NUP85: variants seen among roughly 807,000 people sequenced by gnomAD.
NUP85 encodes the protein nucleoporin 85.
A neutral mutation model predicts 92.8 loss-of-function variants in NUP85; 23 were observed. The ratio of observed to expected loss-of-function variants is 0.25; its 90% confidence interval spans 0.18 to 0.35. The LOEUF (loss-of-function observed/expected upper bound fraction) is 0.35. NUP85 is among the 10% of genes least tolerant of loss of function. The pLI is 1.00. For missense variants in NUP85, 759 were observed against 822.8 expected, an observed-to-expected ratio of 0.92 and a Z score of 0.95; for synonymous variants, 314 against 306.9, an observed-to-expected ratio of 1.02 and a Z score of -0.24.
At position 75,231,924 on chromosome 17, in the gene NUP85, G is replaced by A. The variant is rs748555536; in HGVS notation, c.1341G>A (p.Glu447=). The change falls in exon 14 of 19, where the codon GAG becomes GAA. Residue 447 remains glutamate, a synonymous_variant. Transcript: ENST00000245544. This position sits in a 1 kb window ranked among gnomAD's most constrained non-coding sequence, Gnocchi z 4.6. ...TTGAGCGGATACCTCTGAACACCGA[G>A]CAGAAAGCCCTGAAGGTGCTGCGGA... is the stretch of plus-strand genomic sequence containing the variant. ...LHIERIPLNT[E]QKALKVLRIC... The A allele has an allele frequency of 6.2e-7, 1 of 1,614,232 alleles. No homozygotes were observed. The highest frequency in any genetic ancestry group is 8.5e-7 in the Non-Finnish European group (1 of 1,180,046).
Position 75,231,292 on chromosome 17 carries a change from C to A in NUP85, c.1095-48C>A, listed in dbSNP as rs373954540. ...TGCTCACCCCCACTCTTGTGGGACG[C>A]GGCCTGTGCCCTGATTTTCCTTCTT... On this transcript the variant is annotated intron_variant, in intron 11 of 18. Coordinates refer to ENST00000245544, the MANE Select transcript of NUP85 (RefSeq NM_024844.5). The surrounding 1 kb of genome is among the most constrained non-coding windows in gnomAD (Gnocchi z 4.6). The A allele has an allele frequency of 8.8e-6, 14 of 1,587,838 alleles. No homozygotes were observed. Among genetic ancestry groups the A allele is most frequent in the Non-Finnish European group, 1.1e-5 (13 of 1,156,510 alleles).
At chr17:75,214,968 G>A (rs1568072807) in intron 5 of NUP85, among the ~76,000 whole-genome samples, 1 of 151,850 alleles carries the variant, frequency 6.6e-6, no homozygotes, top group Non-Finnish European at 1.5e-5. Context: ...TCAGGAGATC[G>A]AGACCTTCCT....
Position 75,224,990 on chromosome 17 carries a change from G to A in NUP85, c.598-113G>A, listed in dbSNP as rs1286617041. 4.7e-6 allele frequency: 5 copies of A among 1,063,386 alleles called. No individual in the cohort carries two copies. The Admixed American group carries it at 1.2e-4, about 25-fold the overall frequency. The allele number at this position is 1,063,386 out of a possible 1,614,324, so 65.9% of individuals were successfully genotyped here. The stretch of plus-strand genomic sequence containing the variant: ...AGGGCAGACTCAGGTGCAGAAAGAA[G>A]CCTGTGTGTGAAGAGTTAAAAAGCC... On this transcript the variant is annotated intron_variant, in intron 7 of 18. Coordinates refer to ENST00000245544, the MANE Select transcript of NUP85 (RefSeq NM_024844.5).
At chr17:75,212,286 T>G (rs1214231597) in intron 4 of NUP85, among the ~76,000 whole-genome samples, 1 of 92,598 alleles carries the variant, frequency 1.1e-5, no homozygotes, top group Non-Finnish European at 2.0e-5. Flanking sequence ...TTTTTTTTTT[T>G]GAGACCGAGT....
rs2076120478 is a variant in NUP85, at chr17:75,232,717, C to G, written c.1397-134C>G. 6 of 784,598 alleles carry G rather than the reference C, an allele frequency of 7.6e-6. No homozygotes were observed. The Admixed American group carries it at 8.8e-5, about 12-fold the overall frequency. The allele number at this position is 784,598 out of a possible 1,614,324, so 48.6% of individuals were successfully genotyped here. ...CAGCCGAGTTTCCAGCTCTGCCGAT[C>G]CAGCTGCATTTAGAGCCCAAAGAGT... On this transcript the variant is annotated intron_variant, in intron 14 of 18. Coordinates refer to ENST00000245544, the MANE Select transcript of NUP85 (RefSeq NM_024844.5).
At chr17:75,212,228 GGTTTTTTTTTTTGTTGTTGTTTTTTTT>G (rs2075288851) in intron 4 of NUP85, among the ~76,000 whole-genome samples, 166 bp downstream of exon 4, 2 of 84,564 alleles carry the variant, frequency 2.4e-5, no homozygotes, top group Non-Finnish European at 4.5e-5. Flanking sequence ...ATCATTTAGA[GGTTTTTTTTTTTGTTGTTGTTTTTTTT>G]TTTTTTTTTT....
At chr17:75,210,031 A>G (rs368008948) in intron 3 of NUP85, 46 bp downstream of exon 3, 1 of 1,551,614 alleles carries the variant, frequency 6.4e-7, no homozygotes, top group African/African-American at 1.4e-5. Flanking sequence ...TACACTGTGG[A>G]AAGCCAAATG....
At chr17:75,213,159 C>T (rs2075324937) in intron 5 of NUP85, 40 bp downstream of exon 5, 1 of 1,603,922 alleles carries the variant, frequency 6.2e-7, no homozygotes. Context: ...ACCACTGTGT[C>T]CTGTGTCCTG....
intron 11 of NUP85, chr17:75,228,781 C>A: frequency 1.0e-6 from 1 of 985,372 alleles, no homozygotes; most frequent in Non-Finnish European, 1.2e-6. Flanking sequence ...TAAGTGGGCC[C>A]CTGATTTACT....
chr17:75,228,853 C>T, intron 11 of NUP85: 2 of 985,448 alleles, frequency 2.0e-6, no homozygotes, highest in Non-Finnish European at 2.4e-6. Context: ...GATCCTGACT[C>T]AGAGGCTGTA....
In NUP85 at chr17:75,212,117, T is replaced by G; in HGVS notation, c.361+55T>G. ...GTGTGTGTGTGTGTGTGTGGGTATT[T>G]TGAGTATTTATCTATGCATAAATAC... On this transcript the variant is annotated intron_variant, in intron 4 of 18. Coordinates refer to ENST00000245544, the MANE Select transcript of NUP85 (RefSeq NM_024844.5). 6 of 1,270,000 alleles carry G rather than the reference T, an allele frequency of 4.7e-6. No homozygotes were observed. In the African/African-American group the frequency reaches 6.1e-5, roughly 13 times the overall value. 78.7% of individuals were successfully genotyped at this position (1,270,000 alleles called of 1,614,324 possible). A position where few individuals can be genotyped will look rare whatever the true frequency, so the allele number is the denominator to read the frequency against.
chr17:75,235,026 G>C, intron 17 of NUP85, 74 bp from the exon 18 acceptor site: 4 of 1,264,704 alleles, frequency 3.2e-6, no homozygotes, highest in Non-Finnish European at 4.6e-6. Context: ...AAGAACGTCC[G>C]AACATGGGCC....
Position 75,215,741 on chromosome 17 carries a change from A to G in NUP85, c.406-13A>G, listed in dbSNP as rs1471920499. 1.9e-6 allele frequency: 3 copies of G among 1,613,232 alleles called. No individual in the cohort carries two copies. ...ATCATTTCAGGTGAAACCTGTCCCC[A>G]TTTCTTCCTTAGGTCTCCATTTTGT... On this transcript the variant is annotated splice_polypyrimidine_tract_variant and intron_variant, in intron 5 of 18. Coordinates refer to ENST00000245544, the MANE Select transcript of NUP85 (RefSeq NM_024844.5).
intron 16 of NUP85, among the ~76,000 whole-genome samples, chr17:75,234,323 G>A (rs1598363446): frequency 6.6e-6 from 1 of 152,110 alleles, no homozygotes; most frequent in African/African-American, 2.4e-5. Context: ...AAGTGCTGGG[G>A]TTACAGGCAT....
intron 7 of NUP85, among the ~76,000 whole-genome samples, chr17:75,219,799 C>T (rs572538585): frequency 1.3e-5 from 2 of 152,238 alleles, no homozygotes; most frequent in African/African-American, 4.8e-5. Context: ...CGAAGAAGGC[C>T]TCCCTCATGA....
chr17:75,218,681 A>G (rs1050138899), intron 7 of NUP85, among the ~76,000 whole-genome samples: 11 of 139,652 alleles, frequency 7.9e-5, no homozygotes, highest in Non-Finnish European at 1.4e-4. Context: ...CCAAGTCAGG[A>G]ATCTCTTGAG....
intron 3 of NUP85, 114 bp from the exon 4 acceptor site, chr17:75,211,878 C>A: frequency 1.3e-6 from 1 of 798,948 alleles, no homozygotes; most frequent in Non-Finnish European, 2.1e-6. Flanking sequence ...AGCTCCTTCA[C>A]AACGGCTCTC....
intron 7 of NUP85, 129 bp from the exon 8 acceptor site, chr17:75,224,974 T>TCAGGGG: frequency 1.1e-6 from 1 of 871,964 alleles, no homozygotes; most frequent in Non-Finnish European, 1.7e-6. Context: ...CAGGGCAGAC[T>TCAGGGG]CAGGTGCAGA....
chr17:75,215,746 T>G lies in NUP85; in HGVS notation c.406-8T>G, dbSNP rs1156312127. ...TTCAGGTGAAACCTGTCCCCATTTC[T>G]TCCTTAGGTCTCCATTTTGTCAGCA... On this transcript the variant is annotated splice_polypyrimidine_tract_variant and splice_region_variant and intron_variant, in intron 5 of 18. Coordinates refer to ENST00000245544, the MANE Select transcript of NUP85 (RefSeq NM_024844.5). 6.2e-7 allele frequency: 1 copy of G among 1,613,698 alleles called. No homozygotes were observed. Among genetic ancestry groups the G allele is most frequent in the East Asian group, 2.2e-5 (1 of 44,884 alleles).
Sources: allele counts gnomAD v4.1 joint callset (sites outside exome capture counted in the v4.1 genomes callset), GRCh38; gene constraint gnomAD v4.1.1; non-coding constraint Gnocchi (gnomAD v3.1); transcripts MANE v1.5; gene names NCBI Gene and HGNC (gene_info 2026-07-23, HGNC 2026-07-21).